The following CPLANE1 variants were observed in gnomAD, a reference collection of about 807,000 sequenced individuals.
The protein encoded by CPLANE1 is ciliogenesis and planar polarity effector 1.
In CPLANE1, 263 loss-of-function variants were observed where a neutral mutation model predicts 362.5. The ratio of observed to expected loss-of-function variants is 0.73; its 90% CI spans 0.66 to 0.80. The LOEUF is 0.80. CPLANE1 is among the 30% of genes least tolerant of loss of function. The pLI, the probability that CPLANE1 is intolerant of heterozygous loss-of-function variation, is 0.00. For synonymous variants in CPLANE1, 1,212 were observed against 1,302.6 expected, an observed-to-expected ratio of 0.93 and a Z score of 1.50; for missense variants, 3,461 against 3,793.4, an observed-to-expected ratio of 0.91 and a Z score of 2.30.
chr5:37,223,416 C>T (rs757119299), intron 14 of CPLANE1, among the ~76,000 whole-genome samples: 1 of 152,220 alleles, frequency 6.6e-6, no homozygotes, highest in African/African-American at 2.4e-5. Context: ...TTGTTTATTT[C>T]AGTTATCCCT....
At chr5:37,149,375 C>T (rs1220163305) in intron 42 of CPLANE1, among the ~76,000 whole-genome samples, 1 of 152,136 alleles carries the variant, frequency 6.6e-6, no homozygotes, top group Non-Finnish European at 1.5e-5. Flanking sequence ...CTTATAATAT[C>T]TAATACAATG....
intron 46 of CPLANE1, among the ~76,000 whole-genome samples, chr5:37,134,459 T>C (rs1167552045): frequency 6.6e-6 from 1 of 152,258 alleles, no homozygotes; most frequent in African/African-American, 2.4e-5. Flanking sequence ...GGATCTTTTG[T>C]ATTTCTGTGG....
chr5:37,190,594 T>C (rs2151276528), intron 21 of CPLANE1, among the ~76,000 whole-genome samples: 1 of 152,164 alleles, frequency 6.6e-6, no homozygotes, highest in East Asian at 1.9e-4. Flanking sequence ...GGACCTTGAT[T>C]GGATAGATTT....
chr5:37,159,830 T>C (rs1455717136), intron 38 of CPLANE1, among the ~76,000 whole-genome samples: 1 of 152,218 alleles, frequency 6.6e-6, no homozygotes, highest in Non-Finnish European at 1.5e-5. Context: ...ACATCTTTAA[T>C]AAGTCATACT....
chr5:37,188,398 T>C (rs180795387), intron 21 of CPLANE1, among the ~76,000 whole-genome samples: 166 of 152,332 alleles, frequency 1.1e-3, no homozygotes, highest in African/African-American at 3.8e-3. Context: ...TGTTCTATGG[T>C]TAATAGGACC....
At chr5:37,146,573 A>G (rs1259810775) in intron 43 of CPLANE1, among the ~76,000 whole-genome samples, 2 of 152,206 alleles carry the variant, frequency 1.3e-5, no homozygotes, top group African/African-American at 4.8e-5. Flanking sequence ...TGTCAATATT[A>G]TTGTGCTTAT....
In CPLANE1 at chr5:37,209,261, G is replaced by A; in HGVS notation, c.2921-2836C>T. The A allele has an allele frequency of 2.9e-6, 2 of 694,834 alleles. No individual in the cohort carries two copies. Among genetic ancestry groups the A allele is most frequent in the Non-Finnish European group, 5.3e-6 (2 of 377,538 alleles). 43.0% of individuals were successfully genotyped at this position (694,834 alleles called of 1,614,324 possible). A position where few individuals can be genotyped will look rare whatever the true frequency, so the allele number is the denominator to read the frequency against. On this transcript the variant is annotated intron_variant, in intron 16 of 52. Coordinates refer to ENST00000651892, the MANE Select transcript of CPLANE1 (RefSeq NM_001384732.1). This position sits in a 1 kb window ranked among gnomAD's most constrained non-coding sequence, Gnocchi z 4.6. Reference sequence around the variant, plus strand: ...CTCAGGACAGAAGCAGGGCTCTGGAGGGCAGGGATTCCCCCTCGTCTTGGC... The same window carrying A: ...CTCAGGACAGAAGCAGGGCTCTGGAAGGCAGGGATTCCCCCTCGTCTTGGC...
intron 21 of CPLANE1, among the ~76,000 whole-genome samples, chr5:37,189,999 C>CA (rs554351876): frequency 1.3e-3 from 169 of 134,428 alleles, no homozygotes; most frequent in Admixed American, 2.3e-3. Context: ...GATTTTGTCT[C>CA]AAAAAAAAAA....
At chr5:37,108,188 C>A in intron 52 of CPLANE1, 105 bp downstream of exon 52, 1 of 1,106,744 alleles carries the variant, frequency 9.0e-7, no homozygotes, top group Non-Finnish European at 1.3e-6. Flanking sequence ...TTCAGTATTT[C>A]CACATCCCAC....
At chr5:37,159,094 CTTTTTTTTTTTTTTTT>C (rs34035923) in intron 38 of CPLANE1, among the ~76,000 whole-genome samples, 3 of 59,760 alleles carry the variant, frequency 5.0e-5, no homozygotes, top group African/African-American at 2.7e-4. Context: ...AATTCACATT[CTTTTTTTTTTTTTTTT>C]TTTTTTTTTT....
rs1303627060 is a variant in CPLANE1 at position 37,187,578 on chromosome 5, A to C, written c.3922-6T>G. Reference sequence around the variant, plus strand: ...TCAAACTCCACTTCAAGGTCCTAAAAGGATATTGAAAAACATTCATTTCCT... The same window carrying C: ...TCAAACTCCACTTCAAGGTCCTAAACGGATATTGAAAAACATTCATTTCCT... On this transcript the variant is annotated splice_polypyrimidine_tract_variant and splice_region_variant and intron_variant, in intron 22 of 52. Transcript: ENST00000651892. 12 of 1,599,612 alleles carry C rather than the reference A, an allele frequency of 7.5e-6. No homozygotes were observed. Among genetic ancestry groups the C allele is most frequent in the Non-Finnish European group, 1.0e-5 (12 of 1,174,688 alleles).
chr5:37,174,998 G>A (rs1394676208), intron 31 of CPLANE1, among the ~76,000 whole-genome samples: 1 of 152,194 alleles, frequency 6.6e-6, no homozygotes, highest in Non-Finnish European at 1.5e-5. Flanking sequence ...CAGGGATCTG[G>A]AATCTAAAGA....
intron 42 of CPLANE1, among the ~76,000 whole-genome samples, chr5:37,150,424 C>T (rs551186466): frequency 6.6e-6 from 1 of 152,280 alleles, no homozygotes; most frequent in African/African-American, 2.4e-5. Context: ...TGTAGCTCCT[C>T]AGCTGCTTTT....
chr5:37,242,932 A>T (rs750155612), intron 6 of CPLANE1, 81 bp downstream of exon 6: 1 of 872,566 alleles, frequency 1.1e-6, no homozygotes, highest in Non-Finnish European at 1.8e-6. Flanking sequence ...ACTACCCCCC[A>T]GTCTGGGTGA....
At chr5:37,245,194 A>T (rs912393943) in intron 4 of CPLANE1, among the ~76,000 whole-genome samples, 3 of 150,248 alleles carry the variant, frequency 2.0e-5, no homozygotes. Flanking sequence ...TCAAGTATAT[A>T]TTATGTGATA....
In CPLANE1 at chr5:37,106,988, C is replaced by G. The variant is rs1287173786; in HGVS notation, c.*614G>C. The stretch of plus-strand genomic sequence containing the variant: ...AGTCATATTCCCTTACTTTCCTGCC[C>G]AAAGCATCCATTCCTGTTTCTTCCT... On this transcript the variant is annotated 3_prime_UTR_variant, in exon 53 of 53. Coordinates refer to ENST00000651892, the MANE Select transcript of CPLANE1 (RefSeq NM_001384732.1). 8.1e-6 allele frequency: 8 copies of G among 985,278 alleles called. No individual in the cohort carries two copies. The African/African-American group carries it at 1.0e-4, about 13-fold the overall frequency. 61.0% of individuals were successfully genotyped at this position (985,278 alleles called of 1,614,324 possible). A position where few individuals can be genotyped will look rare whatever the true frequency, so the allele number is the denominator to read the frequency against.
In CPLANE1 at chr5:37,209,670, G is replaced by T; in HGVS notation, c.2921-3245C>A. ...CTTTCTAGAAAGTGGTTTGGCAAAA[G>T]AAAAGGTATTTACTATGCAGGATCT... On this transcript the variant is annotated intron_variant, in intron 16 of 52. Transcript: ENST00000651892. This position sits in a 1 kb window ranked among gnomAD's most constrained non-coding sequence, Gnocchi z 4.6. The T allele has an allele frequency of 7.4e-7, 1 of 1,355,588 alleles. No individual in the cohort carries two copies. Among genetic ancestry groups the T allele is most frequent in the African/African-American group, 1.4e-5 (1 of 69,814 alleles). 84.0% of individuals were successfully genotyped at this position (1,355,588 alleles called of 1,614,324 possible). A position where few individuals can be genotyped will look rare whatever the true frequency, so the allele number is the denominator to read the frequency against.
intron 51 of CPLANE1, among the ~76,000 whole-genome samples, chr5:37,114,668 G>A (rs1486683725): frequency 1.3e-5 from 2 of 152,150 alleles, no homozygotes; most frequent in Admixed American, 1.3e-4. Flanking sequence ...GGGAGGCTAA[G>A]ATGGGCGGAT....
At chr5:37,218,810 T>C (rs1032698570) in intron 15 of CPLANE1, among the ~76,000 whole-genome samples, 2 of 151,886 alleles carry the variant, frequency 1.3e-5, no homozygotes, top group African/African-American at 4.8e-5. Flanking sequence ...TAGCTAGGCA[T>C]GGTGGCAGGC....
Sources: allele counts gnomAD v4.1 joint callset (sites outside exome capture counted in the v4.1 genomes callset), GRCh38; gene constraint gnomAD v4.1.1; non-coding constraint Gnocchi (gnomAD v3.1); transcripts MANE v1.5; gene names NCBI Gene and HGNC (gene_info 2026-07-23, HGNC 2026-07-21).